Variants in ENTHD1 observed in about 807,000 individuals in gnomAD.
ENTHD1 encodes ENTH domain-containing protein 1.
In ENTHD1, 23 loss-of-function variants were observed where a neutral mutation model predicts 39.1. The observed-to-expected ratio is 0.59, with a 90% CI of 0.42 to 0.83. ENTHD1 has a LOEUF of 0.83. ENTHD1 is among the 40% of genes least tolerant of loss of function. ENTHD1 has a pLI of 0.00. For missense variants in ENTHD1, 624 were observed against 705.4 expected, an observed-to-expected ratio of 0.88 and a Z score of 1.31; for synonymous variants, 230 against 258.2, an observed-to-expected ratio of 0.89 and a Z score of 1.05.
rs368777552 is a variant in ENTHD1, at chr22:39,867,185, G to C, written c.350-5178C>G. Reference sequence around the variant, plus strand: ...CCCAAAGTGCTGGGATTACAGGCGTGAGCCACCGCGCCCGGCCCGAGAAAT... The same window carrying C: ...CCCAAAGTGCTGGGATTACAGGCGTCAGCCACCGCGCCCGGCCCGAGAAAT... On this transcript the variant is annotated intron_variant, in intron 2 of 6. Transcript: ENST00000325157. The surrounding 1 kb of genome is among the most constrained non-coding windows in gnomAD (Gnocchi z 4.5). Among the ~76,000 whole-genome samples the C allele has an allele frequency of 6.6e-6, 1 of 152,164 alleles. No homozygotes were observed. The highest frequency in any genetic ancestry group is 1.9e-4 in the East Asian group (1 of 5,184).
At chr22:39,808,152 AC>A (rs2065658549) in intron 5 of ENTHD1, among the ~76,000 whole-genome samples, 1 of 151,906 alleles carries the variant, frequency 6.6e-6, no homozygotes, top group African/African-American at 2.4e-5. Context: ...TTAAAAGTAC[AC>A]CCAGCACACA....
At chr22:39,827,869 G>A (rs2065838404) in intron 4 of ENTHD1, among the ~76,000 whole-genome samples, 1 of 152,048 alleles carries the variant, frequency 6.6e-6, no homozygotes, top group Admixed American at 6.6e-5. Flanking sequence ...TGCTTTAACA[G>A]GCAAAAACAT....
In ENTHD1 at chr22:39,876,455, G is replaced by A. The variant is rs142270995; in HGVS notation, c.349+10945C>T. ...CCCAAATATTTGCTTCCTGCTTTGC[G>A]TCAGGGACGCAGATTCTGCAAGGTC... is the stretch of plus-strand genomic sequence containing the variant. On this transcript the variant is annotated intron_variant, in intron 2 of 6. Coordinates refer to ENST00000325157, the MANE Select transcript of ENTHD1 (RefSeq NM_152512.4). Among the ~76,000 whole-genome samples, 958 of 150,594 alleles carry A rather than the reference G, an allele frequency of 6.4e-3. 5 individuals are homozygous for A. The highest frequency in any genetic ancestry group is 0.022 in the African/African-American group (901 of 40,940).
At chr22:39,756,314 T>TCTCTCTCA (rs1555921062) in intron 6 of ENTHD1, among the ~76,000 whole-genome samples, 19 of 144,178 alleles carry the variant, frequency 1.3e-4, no homozygotes, top group African/African-American at 5.2e-4. Flanking sequence ...TCTCTCTCTC[T>TCTCTCTCA]CTCACACACA....
intron 5 of ENTHD1, among the ~76,000 whole-genome samples, chr22:39,813,585 C>T (rs954434933): frequency 1.6e-4 from 25 of 152,232 alleles, no homozygotes; most frequent in African/African-American, 4.3e-4. Flanking sequence ...TGTTAAGGAA[C>T]GGAGAGCTGC....
chr22:39,816,513 T>C (rs184032572), intron 5 of ENTHD1, among the ~76,000 whole-genome samples: 1 of 152,248 alleles, frequency 6.6e-6, no homozygotes, highest in African/African-American at 2.4e-5. Context: ...AGTGAACCAA[T>C]GGAATAGAAT....
At chr22:39,875,277 A>G (rs1401653542) in intron 2 of ENTHD1, 2 of 1,230,514 alleles carry the variant, frequency 1.6e-6, no homozygotes, top group South Asian at 3.3e-5. Flanking sequence ...CAACAAATCT[A>G]TACAGTTAAA....
chr22:39,876,461 G>A (rs565432488), intron 2 of ENTHD1, among the ~76,000 whole-genome samples: 26 of 150,986 alleles, frequency 1.7e-4, no homozygotes, highest in East Asian at 1.4e-3. Flanking sequence ...TTGCGTCAGG[G>A]ACGCAGATTC....
At chr22:39,767,237 T>A (rs1252174481) in intron 5 of ENTHD1, among the ~76,000 whole-genome samples, 1 of 152,220 alleles carries the variant, frequency 6.6e-6, no homozygotes, top group African/African-American at 2.4e-5. Flanking sequence ...AACTGCTTAA[T>A]AATGATTAAA....
intron 2 of ENTHD1, among the ~76,000 whole-genome samples, chr22:39,865,779 G>A (rs1035668264): frequency 6.6e-6 from 1 of 152,216 alleles, no homozygotes. Flanking sequence ...TTGGCTCTAA[G>A]TGACAGAAAC....
At chr22:39,873,797 C>G (rs1228386950) in intron 2 of ENTHD1, among the ~76,000 whole-genome samples, 1 of 152,184 alleles carries the variant, frequency 6.6e-6, no homozygotes, top group Non-Finnish European at 1.5e-5. Flanking sequence ...GGATCACAGA[C>G]CTAGTTAAAA....
chr22:39,866,549 A>C (rs1325091577), intron 2 of ENTHD1, among the ~76,000 whole-genome samples: 1 of 152,218 alleles, frequency 6.6e-6, no homozygotes, highest in Non-Finnish European at 1.5e-5. Context: ...GAATAGTAAG[A>C]AGCAGCCAGC....
chr22:39,790,811 G>A lies in ENTHD1; in HGVS notation c.833-25202C>T, dbSNP rs77804072. On this transcript the variant is annotated intron_variant, in intron 5 of 6. Transcript: ENST00000325157. Reference sequence around the variant, plus strand: ...ACTAGGGTTGGGATTAGCAAGTAGCGGTCTTCCCACTGCTTCCCCACAAGG... The same window carrying A: ...ACTAGGGTTGGGATTAGCAAGTAGCAGTCTTCCCACTGCTTCCCCACAAGG... Among the ~76,000 whole-genome samples, 485 of 152,270 alleles carry A rather than the reference G, an allele frequency of 3.2e-3. 4 individuals carry two copies. The highest frequency in any genetic ancestry group is 0.025 in the East Asian group (129 of 5,170).
At chr22:39,799,963 G>T (rs1049683642) in intron 5 of ENTHD1, among the ~76,000 whole-genome samples, 5 of 152,192 alleles carry the variant, frequency 3.3e-5, no homozygotes, top group Non-Finnish European at 5.9e-5. Flanking sequence ...TGGGGGCTGG[G>T]CTCTGAAAAT....
At chr22:39,792,517 C>CA (rs1250492364) in intron 5 of ENTHD1, among the ~76,000 whole-genome samples, 2 of 151,416 alleles carry the variant, frequency 1.3e-5, no homozygotes, top group African/African-American at 4.8e-5. Flanking sequence ...GCCTTATGAT[C>CA]AAAAAAATTG....
intron 3 of ENTHD1, among the ~76,000 whole-genome samples, chr22:39,855,507 C>G (rs1421735610): frequency 6.6e-6 from 1 of 151,458 alleles, no homozygotes; most frequent in Non-Finnish European, 1.5e-5. Flanking sequence ...TAACTTTCAT[C>G]TGGGCACATG....
chr22:39,786,796 T>C (rs1025631398), intron 5 of ENTHD1, among the ~76,000 whole-genome samples: 1 of 152,236 alleles, frequency 6.6e-6, no homozygotes, highest in South Asian at 2.1e-4. Context: ...GCACTATTTG[T>C]CTTTCTGTGC....
chr22:39,788,769 C>T (rs1389258014), intron 5 of ENTHD1, among the ~76,000 whole-genome samples: 2 of 152,020 alleles, frequency 1.3e-5, no homozygotes, highest in Non-Finnish European at 2.9e-5. Context: ...AGCCCCCACC[C>T]CCAACCTTCA....
rs112828049 is a variant in ENTHD1, at chr22:39,771,085, C to CT, written c.833-5477dup. Among the ~76,000 whole-genome samples, 717 of 151,062 alleles carry CT rather than the reference C, an allele frequency of 4.7e-3. 5 individuals carry two copies. The highest frequency in any genetic ancestry group is 0.016 in the African/African-American group (641 of 41,228). On this transcript the variant is annotated intron_variant, in intron 5 of 6. Coordinates refer to ENST00000325157, the MANE Select transcript of ENTHD1 (RefSeq NM_152512.4). ...AGATTAGGTGTGCTTAAGCTGTACTCTTTTTTTTTGCCCTTTCAGTTTTTA... is the reference window on the plus strand; with the variant it reads ...AGATTAGGTGTGCTTAAGCTGTACTCTTTTTTTTTTGCCCTTTCAGTTTTTA...
Sources: allele counts gnomAD v4.1 joint callset (sites outside exome capture counted in the v4.1 genomes callset), GRCh38; gene constraint gnomAD v4.1.1; non-coding constraint Gnocchi (gnomAD v3.1); transcripts MANE v1.5; gene names NCBI Gene and HGNC (gene_info 2026-07-23, HGNC 2026-07-21).